The following FLT1 variants were observed in gnomAD, a reference collection of about 807,000 sequenced individuals.
The protein encoded by FLT1 is vascular endothelial growth factor receptor 1.
FLT1 carries 49 observed loss-of-function variants against 156.3 expected under a neutral mutation model. That is an observed-to-expected ratio of 0.31 (90% CI 0.25 to 0.40). FLT1 has a LOEUF of 0.40. Among genes scored for constraint, FLT1 ranks in the 10% least tolerant of loss-of-function variants. The pLI, the probability that FLT1 is intolerant of heterozygous loss-of-function variation, is 1.00. For synonymous variants in FLT1, 594 were observed against 583.8 expected, an observed-to-expected ratio of 1.02 and a Z score of -0.25; for missense variants, 1,322 against 1,637.2, an observed-to-expected ratio of 0.81 and a Z score of 3.32.
chr13:28,306,735 GGA>G lies in FLT1; in HGVS notation c.3756_3757del (p.Pro1253HisfsTer9), dbSNP rs1566277172. 1 of 1,613,898 alleles carries G rather than the reference GGA, an allele frequency of 6.2e-7. No individual in the cohort carries two copies. The highest frequency in any genetic ancestry group is 8.5e-7 in the Non-Finnish European group (1 of 1,179,816). On this transcript the variant is annotated frameshift_variant, in exon 29 of 30. Coordinates refer to ENST00000282397, the MANE Select transcript of FLT1 (RefSeq NM_002019.4). LOFTEE classifies it high-confidence loss of function. ...AGTCCAGGTGAAGCGCTTCAGCATG[GGA>G]GAGGCCAACAGAGTGCTGCTGTCGC...
intron 1 of FLT1, among the ~76,000 whole-genome samples, chr13:28,485,538 T>G (rs1187506017): frequency 1.3e-5 from 2 of 152,216 alleles, no homozygotes; most frequent in Admixed American, 1.3e-4. Flanking sequence ...TTTACTATAA[T>G]AAGTTATTTA....
chr13:28,380,799 C>T (rs1436966290), intron 14 of FLT1, among the ~76,000 whole-genome samples: 2 of 152,116 alleles, frequency 1.3e-5, no homozygotes, highest in African/African-American at 4.8e-5. Context: ...TGGACAATTT[C>T]TGTATAAATG....
rs1403998951 is a variant in FLT1, at chr13:28,390,126, C to T, written c.1661-22G>A. Reference sequence around the variant, plus strand: ...ACATCTATAAAATAAGAATAAAGAACTTCAGTTCACAGAAAAATCAGTGTC... The same window carrying T: ...ACATCTATAAAATAAGAATAAAGAATTTCAGTTCACAGAAAAATCAGTGTC... On this transcript the variant is annotated intron_variant, in intron 12 of 29. Transcript: ENST00000282397. 8.7e-6 allele frequency: 14 copies of T among 1,608,048 alleles called. No homozygotes were observed. In the South Asian group the frequency reaches 9.9e-5, roughly 11 times the overall value.
At chr13:28,424,282 G>GATTCTGCTT (rs1409327632) in intron 10 of FLT1, among the ~76,000 whole-genome samples, 1 of 151,806 alleles carries the variant, frequency 6.6e-6, no homozygotes, top group East Asian at 1.9e-4. Flanking sequence ...AAAAGGGAAA[G>GATTCTGCTT]ATTCTGCTTT....
chr13:28,352,416 C>T (rs940806747), intron 15 of FLT1, among the ~76,000 whole-genome samples: 1 of 152,178 alleles, frequency 6.6e-6, no homozygotes, highest in Non-Finnish European at 1.5e-5. Context: ...TTCCCTAGGC[C>T]TAACACCCAC....
At chr13:28,430,950 A>G (rs1877640782) in intron 7 of FLT1, among the ~76,000 whole-genome samples, 186 bp downstream of exon 7, 1 of 152,224 alleles carries the variant, frequency 6.6e-6, no homozygotes, top group Non-Finnish European at 1.5e-5. Context: ...ATTCAAAAGT[A>G]TTAAATGTAA....
chr13:28,465,595 C>A (rs1879804482), intron 3 of FLT1, among the ~76,000 whole-genome samples: 1 of 152,112 alleles, frequency 6.6e-6, no homozygotes, highest in Admixed American at 6.5e-5. Context: ...GTAATCCCAA[C>A]ACTTTGGGAG....
intron 25 of FLT1, among the ~76,000 whole-genome samples, chr13:28,312,951 ATTTTATTTTTAT>A (rs60905945): frequency 0.083 from 11,933 of 142,922 alleles, 961 homozygotes; most frequent in African/African-American, 0.21. Flanking sequence ...CTTCTCTTAC[ATTTTATTTTTAT>A]TTTTATTTTT....
intron 13 of FLT1, chr13:28,388,382 T>A (rs1345724797): frequency 4.7e-6 from 5 of 1,057,288 alleles, no homozygotes; most frequent in Non-Finnish European, 5.7e-6. Context: ...CTTGAGAAGT[T>A]GTCATATTGT....
At chr13:28,471,207 C>G (rs79926887) in intron 1 of FLT1, among the ~76,000 whole-genome samples, 7,131 of 152,232 alleles carry the variant, frequency 0.047, 247 homozygotes, top group South Asian at 0.11. Context: ...AGATAAAAAA[C>G]AGTTAACCAA....
chr13:28,365,564 C>A (rs776490760), intron 14 of FLT1, among the ~76,000 whole-genome samples: 1 of 152,158 alleles, frequency 6.6e-6, no homozygotes, highest in Non-Finnish European at 1.5e-5. Flanking sequence ...GTTGGCCAGG[C>A]TGGTCTCGAA....
intron 17 of FLT1, among the ~76,000 whole-genome samples, chr13:28,337,804 A>C (rs758084864): frequency 6.6e-6 from 1 of 152,242 alleles, no homozygotes; most frequent in Non-Finnish European, 1.5e-5. Flanking sequence ...ATGGGACAGA[A>C]AGCTCATGTG....
Position 28,400,776 on chromosome 13 carries a change from G to A in FLT1, c.1552-3708C>T, listed in dbSNP as rs945268903. On this transcript the variant is annotated intron_variant, in intron 11 of 29. Coordinates refer to ENST00000282397, the MANE Select transcript of FLT1 (RefSeq NM_002019.4). The stretch of plus-strand genomic sequence containing the variant: ...AAGTAACCAAGAATTTGAGTTGTGC[G>A]TTTGAAATTATAATCATTTATTCTA... Among the ~76,000 whole-genome samples, 21 of 152,334 alleles carry A rather than the reference G, an allele frequency of 1.4e-4. 1 individual carries two copies. Among genetic ancestry groups the A allele is most frequent in the African/African-American group, 4.6e-4 (19 of 41,568 alleles).
intron 20 of FLT1, 119 bp from the exon 21 acceptor site, chr13:28,323,065 A>T: frequency 9.2e-7 from 1 of 1,084,510 alleles, no homozygotes. Flanking sequence ...CTCAAAATGG[A>T]TCGTGAACTA....
intron 18 of FLT1, among the ~76,000 whole-genome samples, chr13:28,330,952 C>T (rs1465023969): frequency 6.6e-6 from 1 of 152,164 alleles, no homozygotes; most frequent in Non-Finnish European, 1.5e-5. Context: ...CCTTGGCCTC[C>T]CAAACTGCTG....
intron 16 of FLT1, among the ~76,000 whole-genome samples, chr13:28,341,705 G>C (rs1230042220): frequency 6.6e-6 from 1 of 152,066 alleles, no homozygotes; most frequent in Non-Finnish European, 1.5e-5. Flanking sequence ...AATATTTTGG[G>C]ATGTCTTGTT....
At chr13:28,398,446 A>C (rs1875198579) in intron 11 of FLT1, among the ~76,000 whole-genome samples, 1 of 152,212 alleles carries the variant, frequency 6.6e-6, no homozygotes, top group Non-Finnish European at 1.5e-5. Flanking sequence ...TGTGCTAGGC[A>C]CTTTAGTTGT....
chr13:28,334,168 A>C, intron 17 of FLT1, 39 bp from the exon 18 acceptor site: 1 of 1,340,586 alleles, frequency 7.5e-7, no homozygotes, highest in Non-Finnish European at 1.1e-6. Flanking sequence ...TTGCCGAGGC[A>C]ATAGGGTGAG....
Position 28,432,189 on chromosome 13 carries a change from G to A in FLT1, c.814-879C>T, listed in dbSNP as rs148080768. Among the ~76,000 whole-genome samples the A allele has an allele frequency of 7.4e-3, 1,126 of 152,182 alleles. 11 individuals carry two copies. The highest frequency in any genetic ancestry group is 0.025 in the African/African-American group (1,050 of 41,516). On this transcript the variant is annotated intron_variant, in intron 6 of 29. Coordinates refer to ENST00000282397, the MANE Select transcript of FLT1 (RefSeq NM_002019.4). ...ATCCTTCCCCATAGTCATAGGGGGC[G>A]GAGGGGAGGAGCATGGAAAAATGTC...
Sources: gnomAD v4.1 joint callset for allele counts (sites outside exome capture counted in the v4.1 genomes callset) on GRCh38, gnomAD v4.1.1 for gene constraint, MANE v1.5 for transcripts, NCBI Gene and HGNC (gene_info 2026-07-23, HGNC 2026-07-21) for gene names.